Variants in FUT8 observed in about 807,000 individuals in gnomAD.
The protein encoded by FUT8 is alpha-(1,6)-fucosyltransferase.
Under a neutral mutation model 71.3 loss-of-function variants are expected in FUT8, and 29 were observed. The ratio of observed to expected loss-of-function variants is 0.41; its 90% confidence interval spans 0.30 to 0.55. The LOEUF (loss-of-function observed/expected upper bound fraction) is 0.55, where lower values mean the gene tolerates loss of function less well. Ranked by LOEUF, FUT8 falls within the 20% of genes least tolerant of loss-of-function variation. The probability of loss-of-function intolerance (pLI) is 0.34; values close to 1 mark genes in which losing one functional copy is unlikely to be tolerated. For synonymous variants in FUT8, 254 were observed against 239.3 expected (o/e 1.06, Z -0.57); for missense variants, 544 against 702.1 (o/e 0.77, Z 2.55).
intron 10 of FUT8, among the ~76,000 whole-genome samples, chr14:65,740,244 C>G (rs1594955151): frequency 6.6e-6 from 1 of 151,940 alleles, no homozygotes; most frequent in African/African-American, 2.4e-5. Flanking sequence ...GGTTCTATAT[C>G]TAGTTGAAAT....
At chr14:65,697,111 T>G (rs955922858) in intron 7 of FUT8, among the ~76,000 whole-genome samples, 5 of 152,232 alleles carry the variant, frequency 3.3e-5, no homozygotes, top group African/African-American at 1.2e-4. Context: ...GTAATGTTTT[T>G]ATTGAAAGCC....
chr14:65,505,872 C>G (rs2066725575), intron 2 of FUT8, among the ~76,000 whole-genome samples: 1 of 151,992 alleles, frequency 6.6e-6, no homozygotes, highest in African/African-American at 2.4e-5. Context: ...CACCGTCATT[C>G]CTTATTATCT....
At chr14:65,386,891 G>C in the FUT8 span, among the ~76,000 whole-genome samples, 1 of 140,300 alleles carries the variant, frequency 7.1e-6, no homozygotes, top group African/African-American at 2.6e-5. Context: ...GCCCAGGCTG[G>C]AGTGCAGTGG....
Position 65,675,851 on chromosome 14 carries a change from G to C in FUT8, c.835+6371G>C, listed in dbSNP as rs997012878. On this transcript the variant is annotated intron_variant, in intron 7 of 10. Transcript: ENST00000673929. The stretch of plus-strand genomic sequence containing the variant: ...CTAAAAATACAAAAAAAAAAAATCA[G>C]CCTGGCGTGGTGATGGGCACCTGTA... Among the ~76,000 whole-genome samples, 8 of 149,934 alleles carry C rather than the reference G, an allele frequency of 5.3e-5. 1 individual carries two copies. In the South Asian group the frequency reaches 1.5e-3, roughly 28 times the overall value.
intron 5 of FUT8, among the ~76,000 whole-genome samples, chr14:65,619,840 G>C (rs1889505905): frequency 6.6e-6 from 1 of 152,186 alleles, no homozygotes; most frequent in African/African-American, 2.4e-5. Context: ...CATTGATCAT[G>C]AATTGACCCT....
the FUT8 span, among the ~76,000 whole-genome samples, chr14:65,384,250 G>T: frequency 0.14 from 21,500 of 152,048 alleles, 2,249 homozygotes; most frequent in East Asian, 0.54. The surrounding 1 kb of genome is among the most constrained non-coding windows in gnomAD (Gnocchi z 4.2). Flanking sequence ...TAAAATTAAA[G>T]GAAATTTATT....
At chr14:65,733,475 CA>C (rs1896072903) in intron 10 of FUT8, 94 bp downstream of exon 10, 1 of 910,026 alleles carries the variant, frequency 1.1e-6, no homozygotes, top group Non-Finnish European at 1.6e-6. Context: ...TGTTAATGTT[CA>C]TTATTGTGAC....
intron 1 of FUT8, among the ~76,000 whole-genome samples, chr14:65,449,018 C>G (rs1307223265): frequency 1.3e-5 from 2 of 152,016 alleles, no homozygotes; most frequent in African/African-American, 2.4e-5. Context: ...AGGGAGAAAA[C>G]AAGGGAATTG....
intron 1 of FUT8, among the ~76,000 whole-genome samples, chr14:65,445,040 CT>C (rs2065718096): frequency 6.6e-6 from 1 of 152,020 alleles, no homozygotes; most frequent in Admixed American, 6.6e-5. Flanking sequence ...CCTGTCTGTA[CT>C]AAAAATACAA....
chr14:65,705,794 T>TA (rs1292347407), intron 7 of FUT8, among the ~76,000 whole-genome samples: 1 of 152,352 alleles, frequency 6.6e-6, no homozygotes, highest in East Asian at 1.9e-4. Flanking sequence ...TAGGAGTCCC[T>TA]ACTCTTCATT....
chr14:65,612,738 T>G (rs1373161773), intron 3 of FUT8, among the ~76,000 whole-genome samples: 1 of 152,236 alleles, frequency 6.6e-6, no homozygotes, highest in Non-Finnish European at 1.5e-5. Context: ...AGGGCTATCA[T>G]CATTTGTTTT....
chr14:65,684,172 C>G (rs1390359135), intron 7 of FUT8, among the ~76,000 whole-genome samples: 3 of 151,936 alleles, frequency 2.0e-5, no homozygotes, highest in Non-Finnish European at 4.4e-5. Flanking sequence ...ACTATAATAA[C>G]TATAATATAC....
chr14:65,734,601 C>T (rs547159763), intron 10 of FUT8, among the ~76,000 whole-genome samples: 1 of 152,150 alleles, frequency 6.6e-6, no homozygotes, highest in African/African-American at 2.4e-5. Flanking sequence ...TTAAGAAACT[C>T]ATTTCCATTC....
chr14:65,724,071 G>C, intron 8 of FUT8, 76 bp from the exon 9 acceptor site: 1 of 1,073,722 alleles, frequency 9.3e-7, no homozygotes, highest in Non-Finnish European at 1.3e-6. Context: ...GCCACCATAA[G>C]TAGGGGTATA....
chr14:65,456,753 GT>G (rs2065899175), intron 2 of FUT8, among the ~76,000 whole-genome samples: 1 of 151,510 alleles, frequency 6.6e-6, no homozygotes, highest in African/African-American at 2.4e-5. Context: ...CACGTCTGTA[GT>G]CCCAGCTATT....
chr14:65,549,573 T>C lies in FUT8; in HGVS notation c.-227-11764T>C, dbSNP rs12893665. ...TAAATTTTGTTCTGAGAAGTCCTTTTCTGAAGCCAAACTCAAAAATGGGGA... is the reference window on the plus strand; with the variant it reads ...TAAATTTTGTTCTGAGAAGTCCTTTCCTGAAGCCAAACTCAAAAATGGGGA... On this transcript the variant is annotated intron_variant, in intron 2 of 10. Coordinates refer to ENST00000673929, the MANE Select transcript of FUT8 (RefSeq NM_001371533.1). Among the ~76,000 whole-genome samples, 76 of 152,198 alleles carry C rather than the reference T, an allele frequency of 5.0e-4. 1 individual carries two copies. Among genetic ancestry groups the C allele is most frequent in the Non-Finnish European group, 9.4e-4 (64 of 68,034 alleles).
intron 5 of FUT8, among the ~76,000 whole-genome samples, chr14:65,626,342 C>A (rs116869681): frequency 1.3e-5 from 2 of 152,010 alleles, no homozygotes; most frequent in South Asian, 4.2e-4. Context: ...TCCTAGGACA[C>A]AAAATTAGTA....
the FUT8 span, among the ~76,000 whole-genome samples, chr14:65,367,241 T>A: frequency 1.3e-5 from 2 of 152,182 alleles, no homozygotes; most frequent in Admixed American, 6.5e-5. Flanking sequence ...GCCTGAATCA[T>A]TAATTTATGA....
chr14:65,659,819 T>G (rs1891873157), intron 6 of FUT8, among the ~76,000 whole-genome samples: 1 of 152,102 alleles, frequency 6.6e-6, no homozygotes, highest in South Asian at 2.1e-4. Context: ...ACCTGTCATA[T>G]TTTTGAGGAA....
Sources: allele counts gnomAD v4.1 joint callset (sites outside exome capture counted in the v4.1 genomes callset), GRCh38; gene constraint gnomAD v4.1.1; non-coding constraint Gnocchi (gnomAD v3.1); transcripts MANE v1.5; gene names NCBI Gene and HGNC (gene_info 2026-07-23, HGNC 2026-07-21).